The following SGPP2 variants were observed in gnomAD, a reference collection of about 807,000 sequenced individuals.
SGPP2 encodes the protein sphingosine-1-phosphate phosphatase 2, also known as sphingosine 1-phosphate phosphohydrolase 2.
SGPP2 carries 30 observed loss-of-function variants against 33.9 expected under a neutral mutation model. That is an observed-to-expected ratio of 0.89 (90% CI 0.66 to 1.20). SGPP2 has a LOEUF of 1.20. Among genes scored for constraint, SGPP2 ranks in the 50% most tolerant of loss-of-function variants. SGPP2 has a pLI of 0.00. For synonymous variants in SGPP2, 233 were observed against 225.0 expected (o/e 1.04, Z -0.32); for missense variants, 458 against 532.1 (o/e 0.86, Z 1.37).
At chr2:222,482,087 C>A (rs1056688147) in intron 2 of SGPP2, among the ~76,000 whole-genome samples, 3 of 152,128 alleles carry the variant, frequency 2.0e-5, no homozygotes, top group Non-Finnish European at 4.4e-5. Flanking sequence ...GGTGGGGCTG[C>A]TTCTACTTCA....
chr2:222,499,238 T>C (rs181063831), intron 2 of SGPP2, among the ~76,000 whole-genome samples: 1 of 152,330 alleles, frequency 6.6e-6, no homozygotes, highest in East Asian at 1.9e-4. Flanking sequence ...GCCAAGACTT[T>C]CTCATTAAAA....
chr2:222,540,248 C>A (rs1055017498), intron 4 of SGPP2, among the ~76,000 whole-genome samples: 2 of 152,092 alleles, frequency 1.3e-5, no homozygotes, highest in African/African-American at 4.8e-5. Flanking sequence ...TTCATATACA[C>A]CTTGTACACA....
chr2:222,517,559 C>A (rs1045205398), intron 2 of SGPP2, among the ~76,000 whole-genome samples: 1 of 152,196 alleles, frequency 6.6e-6, no homozygotes, highest in African/African-American at 2.4e-5. Flanking sequence ...TGACCTGATC[C>A]TTCCTGGACA....
intron 2 of SGPP2, among the ~76,000 whole-genome samples, chr2:222,487,349 G>T (rs908095652): frequency 6.6e-5 from 10 of 152,170 alleles, no homozygotes; most frequent in Admixed American, 5.9e-4. Flanking sequence ...TGTTACAAGT[G>T]TGCAATGAAT....
At chr2:222,475,856 G>A (rs189170586) in intron 2 of SGPP2, among the ~76,000 whole-genome samples, 83 of 152,310 alleles carry the variant, frequency 5.4e-4, no homozygotes, top group African/African-American at 1.6e-3. Context: ...GTGCCCTTGC[G>A]CTGAGCCTTA....
rs186951171 is a variant in SGPP2 at position 222,481,883 on chromosome 2, C to T, written c.378+7157C>T. Among the ~76,000 whole-genome samples the T allele has an allele frequency of 3.5e-3, 539 of 152,316 alleles. 5 individuals are homozygous for T. Among genetic ancestry groups the T allele is most frequent in the Non-Finnish European group, 5.9e-3 (401 of 68,022 alleles). The stretch of plus-strand genomic sequence containing the variant: ...TCACCTAACATCAAAAGACATATTT[C>T]CCACCATTCTAACATAGCATGGTTA... On this transcript the variant is annotated intron_variant, in intron 2 of 4. Coordinates refer to ENST00000321276, the MANE Select transcript of SGPP2 (RefSeq NM_152386.4).
At chr2:222,442,885 G>A (rs6720479) in intron 1 of SGPP2, among the ~76,000 whole-genome samples, 28,752 of 152,104 alleles carry the variant, frequency 0.19, 2,733 homozygotes, top group Middle Eastern at 0.25. Context: ...GATTCAGACC[G>A]CAAGCTCAGC....
At position 222,424,747 on chromosome 2, in the gene SGPP2, G is replaced by C; in HGVS notation, c.145G>C (p.Glu49Gln). 1 of 1,420,360 alleles carries C rather than the reference G, an allele frequency of 7.0e-7. No homozygotes were observed. The highest frequency in any genetic ancestry group is 9.2e-7 in the Non-Finnish European group (1 of 1,088,738). The allele number at this position is 1,420,360 out of a possible 1,614,324, so 88.0% of individuals were successfully genotyped here. The change falls in exon 1 of 5, where the codon GAG becomes CAG. Residue 49 changes from glutamate (E) to glutamine (Q), a missense_variant. Transcript: ENST00000321276. ...TERAARVPGV[E>Q]HLPAANGKGG... ...GCGCGCGGCGCGGGTCCCCGGGGTCGAGCATCTCCCCGCAGCCAACGGCAA... is the reference window on the plus strand; with the variant it reads ...GCGCGCGGCGCGGGTCCCCGGGGTCCAGCATCTCCCCGCAGCCAACGGCAA...
chr2:222,515,123 A>G (rs1698584518), intron 2 of SGPP2, among the ~76,000 whole-genome samples: 1 of 151,632 alleles, frequency 6.6e-6, no homozygotes, highest in Admixed American at 6.6e-5. Flanking sequence ...TATTATCTTA[A>G]CTGATGTCCT....
chr2:222,433,691 A>T (rs76966150), intron 1 of SGPP2, among the ~76,000 whole-genome samples: 1 of 151,862 alleles, frequency 6.6e-6, no homozygotes, highest in Admixed American at 6.6e-5. Context: ...TAGCTTGATG[A>T]TTTTTTTCCC....
intron 2 of SGPP2, among the ~76,000 whole-genome samples, chr2:222,520,361 T>C (rs549564922): frequency 2.6e-5 from 4 of 152,222 alleles, no homozygotes; most frequent in African/African-American, 9.6e-5. Context: ...CAAATTCTGA[T>C]TTCTATCTTC....
chr2:222,479,434 G>A lies in SGPP2; in HGVS notation c.378+4708G>A, dbSNP rs561055632. On this transcript the variant is annotated intron_variant, in intron 2 of 4. Coordinates refer to ENST00000321276, the MANE Select transcript of SGPP2 (RefSeq NM_152386.4). The stretch of plus-strand genomic sequence containing the variant: ...TTTTTTTTTTTTGAGACAGAGTATC[G>A]CTCTGTCACCCAAGCTGGAGTGCAG... 3.9e-4 allele frequency among the ~76,000 whole-genome samples: 47 copies of A among 120,184 alleles called. 1 individual carries two copies. The highest frequency in any genetic ancestry group is 3.4e-3 in the Admixed American group (32 of 9,330). 78.8% of individuals were successfully genotyped at this position (120,184 alleles called of 152,430 possible).
At chr2:222,500,003 C>T (rs774321006) in intron 2 of SGPP2, among the ~76,000 whole-genome samples, 4 of 152,144 alleles carry the variant, frequency 2.6e-5, no homozygotes, top group Non-Finnish European at 4.4e-5. Context: ...AGGGTGTTAC[C>T]AGCAGGAAGA....
rs139937051 is a variant in SGPP2, at chr2:222,492,661, C to T, written c.378+17935C>T. The stretch of plus-strand genomic sequence containing the variant: ...TTGTCTTAGCAATTAGAATTTGGCT[C>T]CTTGTTACTTATGCAAATTTCTGCA... On this transcript the variant is annotated intron_variant, in intron 2 of 4. Transcript: ENST00000321276. 3.4e-3 allele frequency among the ~76,000 whole-genome samples: 514 copies of T among 152,320 alleles called. 5 individuals carry two copies. The highest frequency in any genetic ancestry group is 0.012 in the African/African-American group (483 of 41,566).
intron 1 of SGPP2, among the ~76,000 whole-genome samples, chr2:222,440,726 T>G (rs146397045): frequency 1.3e-5 from 2 of 152,304 alleles, no homozygotes; most frequent in Admixed American, 1.3e-4. Context: ...ATTTGCACAT[T>G]AGGACAACTT....
chr2:222,554,716 A>C (rs2106157472), intron 4 of SGPP2, among the ~76,000 whole-genome samples: 1 of 152,286 alleles, frequency 6.6e-6, no homozygotes, highest in East Asian at 1.9e-4. Flanking sequence ...TTGTGTGGGA[A>C]GGTGGAGAAG....
chr2:222,523,497 C>T (rs1328748039), intron 3 of SGPP2, among the ~76,000 whole-genome samples: 4 of 152,132 alleles, frequency 2.6e-5, no homozygotes, highest in Non-Finnish European at 5.9e-5. Flanking sequence ...GCAGGAAAAC[C>T]ACCACCATCA....
At chr2:222,526,852 A>G (rs1268831549) in intron 4 of SGPP2, among the ~76,000 whole-genome samples, 1 of 152,134 alleles carries the variant, frequency 6.6e-6, no homozygotes, top group Non-Finnish European at 1.5e-5. Context: ...AACACACACC[A>G]TGGCCTGTTG....
chr2:222,444,405 C>T (rs780120708), intron 1 of SGPP2, among the ~76,000 whole-genome samples: 5 of 152,132 alleles, frequency 3.3e-5, no homozygotes, highest in East Asian at 1.9e-4. Flanking sequence ...TTTTCATCTA[C>T]GCTTACTGAG....
Sources: gnomAD v4.1 joint callset for allele counts (sites outside exome capture counted in the v4.1 genomes callset) on GRCh38, gnomAD v4.1.1 for gene constraint, MANE v1.5 for transcripts, NCBI Gene and HGNC (gene_info 2026-07-23, HGNC 2026-07-21) for gene names.